Variants in NGEF observed in about 807,000 individuals in gnomAD.
The protein encoded by NGEF is neuronal guanine nucleotide exchange factor.
Under a neutral mutation model 80.9 loss-of-function variants are expected in NGEF, and 31 were observed. The ratio of observed to expected loss-of-function variants is 0.38; its 90% CI spans 0.29 to 0.52. NGEF has a LOEUF of 0.52. Among genes scored for constraint, NGEF ranks in the 20% least tolerant of loss-of-function variants. The probability of loss-of-function intolerance (pLI) is 0.84; values close to 1 mark genes in which losing one functional copy is unlikely to be tolerated. For synonymous variants in NGEF, 371 were observed against 370.2 expected (o/e 1.00, Z -0.03); for missense variants, 709 against 926.2 (o/e 0.77, Z 3.04).
At chr2:232,917,509 G>A (rs1223782615) in intron 5 of NGEF, among the ~76,000 whole-genome samples, 1 of 149,234 alleles carries the variant, frequency 6.7e-6, no homozygotes, top group Non-Finnish European at 1.5e-5. Flanking sequence ...TTGCACTGTC[G>A]CCTGGGCTGG....
intron 3 of NGEF, among the ~76,000 whole-genome samples, chr2:232,932,916 C>T (rs1396888714): frequency 2.7e-5 from 4 of 149,046 alleles, no homozygotes; most frequent in African/African-American, 1.0e-4. Context: ...CCAGCCTGGC[C>T]AACATGATGA....
chr2:232,942,555 C>T (rs1230999030), intron 3 of NGEF, among the ~76,000 whole-genome samples: 3 of 152,122 alleles, frequency 2.0e-5, no homozygotes, highest in Non-Finnish European at 4.4e-5. Flanking sequence ...GATGAGTGTA[C>T]CACTGGGCAC....
At chr2:232,933,089 A>G (rs1482877764) in intron 3 of NGEF, among the ~76,000 whole-genome samples, 2 of 150,820 alleles carry the variant, frequency 1.3e-5, no homozygotes, top group Admixed American at 6.7e-5. Flanking sequence ...AGCCTGGGGA[A>G]CAAGAGTGAA....
intron 1 of NGEF, among the ~76,000 whole-genome samples, chr2:232,991,154 C>G (rs959784533): frequency 6.6e-6 from 1 of 152,090 alleles, no homozygotes; most frequent in African/African-American, 2.4e-5. Flanking sequence ...AGACTGCATA[C>G]TTTCTCTTAA....
chr2:232,903,448 A>C (rs961824739), intron 5 of NGEF, among the ~76,000 whole-genome samples: 3 of 152,220 alleles, frequency 2.0e-5, no homozygotes, highest in African/African-American at 7.2e-5. Context: ...ACACACACAC[A>C]CACACACACA....
intron 5 of NGEF, among the ~76,000 whole-genome samples, chr2:232,902,771 C>T (rs762302494): frequency 6.6e-6 from 1 of 152,094 alleles, no homozygotes; most frequent in African/African-American, 2.4e-5. Context: ...GAGGCCCAGG[C>T]GGGTGGATCA....
chr2:232,900,352 ACGTTCACT>A, intron 5 of NGEF, among the ~76,000 whole-genome samples: 1 of 107,966 alleles, frequency 9.3e-6, no homozygotes, highest in Non-Finnish European at 1.9e-5. Context: ...TCACTCATAC[ACGTTCACT>A]CACATTCACT....
rs930978523 is a variant in NGEF at position 232,920,229 on chromosome 2, G to C, written c.828+55C>G. On this transcript the variant is annotated intron_variant, in intron 5 of 14. Coordinates refer to ENST00000264051, the MANE Select transcript of NGEF (RefSeq NM_019850.3). ...CCCAGAGGAAGCCTCACCCCCAGCA[G>C]TGAGGGCCACCCCGGTGTGCTGTGG... is the stretch of plus-strand genomic sequence containing the variant. The C allele has an allele frequency of 2.6e-6, 4 of 1,546,736 alleles. No individual in the cohort carries two copies. In the African/African-American group the frequency reaches 5.5e-5, roughly 21 times the overall value.
At chr2:232,962,566 G>T (rs188434036) in intron 3 of NGEF, among the ~76,000 whole-genome samples, 5 of 151,594 alleles carry the variant, frequency 3.3e-5, no homozygotes, top group South Asian at 2.1e-4. Context: ...GCTAATAAGC[G>T]AATTTATTAA....
At chr2:232,937,585 T>A (rs1351385705) in intron 3 of NGEF, among the ~76,000 whole-genome samples, 2 of 152,174 alleles carry the variant, frequency 1.3e-5, no homozygotes, top group East Asian at 3.8e-4. Flanking sequence ...CCTGAGCTTT[T>A]TGGGGGCAAC....
At chr2:232,950,507 C>T (rs542086586) in intron 3 of NGEF, among the ~76,000 whole-genome samples, 28 of 151,928 alleles carry the variant, frequency 1.8e-4, no homozygotes, top group African/African-American at 4.8e-4. Context: ...TTTGACTCTC[C>T]GTCACTCTCA....
intron 3 of NGEF, among the ~76,000 whole-genome samples, chr2:232,938,439 T>C (rs556151483): frequency 6.6e-6 from 1 of 152,298 alleles, no homozygotes; most frequent in South Asian, 2.1e-4. Context: ...TCTGAAACTA[T>C]GGAAAATGAG....
intron 1 of NGEF, among the ~76,000 whole-genome samples, chr2:232,995,110 ATATGTG>A (rs1206816561): frequency 5.8e-5 from 1 of 17,282 alleles, no homozygotes; most frequent in Non-Finnish European, 1.2e-4. Context: ...TACAGTATGT[ATATGTG>A]TACAGTATGT....
At chr2:232,905,186 C>A (rs1692468288) in intron 5 of NGEF, among the ~76,000 whole-genome samples, 1 of 152,176 alleles carries the variant, frequency 6.6e-6, no homozygotes, top group Non-Finnish European at 1.5e-5. Context: ...CATCTCGGCT[C>A]ACTGCAACCT....
chr2:232,969,940 G>GATTC (rs1353866851), intron 3 of NGEF: 1 of 199,230 alleles, frequency 5.0e-6, no homozygotes, highest in African/African-American at 2.3e-5. Context: ...TGAGGCTGGA[G>GATTC]AATCGTTAGA....
Position 232,974,608 on chromosome 2 carries a change from G to A in NGEF, c.268+15C>T. ...ATGTAAGGGAACAGCCGTGACAGCT[G>A]TCCCTGATACTGACCTGCCAGGCAG... On this transcript the variant is annotated intron_variant, in intron 2 of 14. Transcript: ENST00000264051. 1 of 1,611,932 alleles carries A rather than the reference G, an allele frequency of 6.2e-7. No individual in the cohort carries two copies. The highest frequency in any genetic ancestry group is 8.5e-7 in the Non-Finnish European group (1 of 1,179,106).
intron 3 of NGEF, among the ~76,000 whole-genome samples, chr2:232,952,523 T>C (rs1214041661): frequency 6.6e-6 from 1 of 152,232 alleles, no homozygotes; most frequent in African/African-American, 2.4e-5. Context: ...TTAATAGAGA[T>C]ATTGATTATC....
Position 232,974,739 on chromosome 2 carries a change from T to C in NGEF, c.152A>G (p.Lys51Arg), listed in dbSNP as rs1490338275. 1 of 1,614,228 alleles carries C rather than the reference T, an allele frequency of 6.2e-7. No individual in the cohort carries two copies. Among genetic ancestry groups the C allele is most frequent in the Non-Finnish European group, 8.5e-7 (1 of 1,180,036 alleles). The change falls in exon 2 of 15, where the codon AAA (lysine) becomes AGA (arginine). Residue 51 changes from lysine (K) to arginine (R), a missense_variant. By Grantham distance (26) the Lys-to-Arg change is conservative (BLOSUM62 2). Transcript: ENST00000264051. ...TSQADQDIQDKEPHCHIPIKR... is the reference protein window; with the variant it reads ...TSQADQDIQDREPHCHIPIKR... The stretch of plus-strand genomic sequence containing the variant: ...AATTGGGATGTGGCAATGAGGCTCT[T>C]TGTCTTGGATATCCTGGTCAGCTTG...
intron 3 of NGEF, among the ~76,000 whole-genome samples, chr2:232,953,483 T>TA (rs1693725828): frequency 6.8e-6 from 1 of 146,150 alleles, no homozygotes; most frequent in Non-Finnish European, 1.5e-5. Context: ...AGCCAGAAGA[T>TA]AGTTGACTTA....
Sources: gnomAD v4.1 joint callset for allele counts (sites outside exome capture counted in the v4.1 genomes callset) on GRCh38, gnomAD v4.1.1 for gene constraint, MANE v1.5 for transcripts, NCBI Gene and HGNC (gene_info 2026-07-23, HGNC 2026-07-21) for gene names.